Variants in CD84 observed in about 807,000 individuals in gnomAD.
The protein encoded by CD84 is CD84 molecule, also known as SLAM family member 5.
Under a neutral mutation model 33.8 loss-of-function variants are expected in CD84, and 22 were observed. The observed-to-expected ratio is 0.65, with a 90% confidence interval of 0.46 to 0.93. The LOEUF (loss-of-function observed/expected upper bound fraction) is 0.93, where lower values mean the gene tolerates loss of function less well. CD84 is among the 40% of genes least tolerant of loss of function. The pLI is 0.00. For synonymous variants in CD84, 154 were observed against 145.2 expected (o/e 1.06, Z -0.44); for missense variants, 400 against 397.6 (o/e 1.01, Z -0.05).
Position 160,549,958 on chromosome 1 carries a change from G to A in CD84, c.880C>T (p.Pro294Ser), listed in dbSNP as rs938795332. ...ACTTCGGAATAAACTGTGTTCACTGGCTCTTCCTTGGAGGGAAGCACCTGT... is the reference window on the plus strand; with the variant it reads ...ACTTCGGAATAAACTGTGTTCACTGACTCTTCCTTGGAGGGAAGCACCTGT... ...QSKVLPSKEE[P>S]VNTVYSEVQF... The change falls in exon 6 of 7, where the codon CCA (proline) becomes TCA (serine). Residue 294 changes from proline (P) to serine (S), a missense_variant. Pro to Ser is a moderately conservative substitution (Grantham distance 74). Transcript: ENST00000368054. 6.2e-7 allele frequency: 1 copy of A among 1,612,630 alleles called. No homozygotes were observed. Among genetic ancestry groups the A allele is most frequent in the African/African-American group, 1.3e-5 (1 of 74,998 alleles).
chr1:160,550,160 G>A (rs1019455801), intron 5 of CD84, among the ~76,000 whole-genome samples, 181 bp from the exon 6 acceptor site: 1 of 151,802 alleles, frequency 6.6e-6, no homozygotes, highest in African/African-American at 2.4e-5. Context: ...AAGGGATAAG[G>A]TGGGGGTGAA....
chr1:160,575,651 C>T (rs1657956153), intron 1 of CD84, among the ~76,000 whole-genome samples: 2 of 152,128 alleles, frequency 1.3e-5, no homozygotes, highest in South Asian at 4.1e-4. Context: ...CCTATATCAG[C>T]CCCCAGCTGA....
rs1464523720 is a variant in CD84, at chr1:160,541,458, A to G, written c.*6798T>C. 1 of 152,240 alleles carries G rather than the reference A, an allele frequency of 6.6e-6. No homozygotes were observed. The highest frequency in any genetic ancestry group is 1.9e-4 in the East Asian group (1 of 5,200). The allele number at this position is 152,240 out of a possible 1,614,324, so 9.4% of individuals were successfully genotyped here. ...GTTGGAGAGAGAGCTAAGAAATACC[A>G]TATCTATATAATTATCAGAGAATGT... On this transcript the variant is annotated 3_prime_UTR_variant, in exon 7 of 7. Coordinates refer to ENST00000368054, the MANE Select transcript of CD84 (RefSeq NM_003874.4).
In CD84 at chr1:160,544,080, C is replaced by G. The variant is rs1346668606; in HGVS notation, c.*4176G>C. 1.3e-5 allele frequency: 2 copies of G among 151,526 alleles called. No homozygotes were observed. Among genetic ancestry groups the G allele is most frequent in the Non-Finnish European group, 2.9e-5 (2 of 67,948 alleles). 9.4% of individuals were successfully genotyped at this position (151,526 alleles called of 1,614,324 possible). A position where few individuals can be genotyped will look rare whatever the true frequency, so the allele number is the denominator to read the frequency against. On this transcript the variant is annotated 3_prime_UTR_variant, in exon 7 of 7. Coordinates refer to ENST00000368054, the MANE Select transcript of CD84 (RefSeq NM_003874.4). ...AAACCAGGATGCAGACCCAGGCACT[C>G]TACTGTCAGAGCCCACATTTATGAC...
At chr1:160,553,557 AG>A in intron 3 of CD84, 60 bp from the exon 4 acceptor site, 1 of 1,598,168 alleles carries the variant, frequency 6.3e-7, no homozygotes, top group South Asian at 1.1e-5. Flanking sequence ...GAGGCTGGGC[AG>A]GTTTGCCCAC....
At position 160,565,466 on chromosome 1, in the gene CD84, G is replaced by A. The variant is rs751392373; in HGVS notation, c.326C>T (p.Ala109Val). The A allele has an allele frequency of 1.9e-6, 3 of 1,613,920 alleles. No homozygotes were observed. The highest frequency in any genetic ancestry group is 2.5e-6 in the Non-Finnish European group (3 of 1,179,870). The change falls in exon 2 of 7, where the codon GCA becomes GTA. Residue 109 changes from alanine (A) to valine (V), a missense_variant. Physicochemically the swap from Ala to Val is moderately conservative, Grantham distance 64. Coordinates refer to ENST00000368054, the MANE Select transcript of CD84 (RefSeq NM_003874.4). ...LRMEDAGDYK[A>V]DINTQADPYT... is the part of the protein sequence containing the mutation. ...GGGATCAGCCTGTGTATTTATGTCT[G>A]CTTTGTAGTCTCCTGCGTCTTCCAT... is the stretch of plus-strand genomic sequence containing the variant.
intron 1 of CD84, among the ~76,000 whole-genome samples, chr1:160,569,336 C>G (rs185627604): frequency 1.5e-3 from 230 of 151,920 alleles, no homozygotes; most frequent in Non-Finnish European, 1.5e-3. Flanking sequence ...TTTCTGGGTG[C>G]TAAAGGGACT....
intron 6 of CD84, 57 bp downstream of exon 6, chr1:160,549,860 C>T: frequency 1.6e-6 from 2 of 1,287,600 alleles, no homozygotes; most frequent in Non-Finnish European, 2.3e-6. Context: ...GGACCGGGTG[C>T]ACCAGAATGG....
Position 160,545,792 on chromosome 1 carries a change from G to C in CD84, c.*2464C>G, listed in dbSNP as rs1334734689. On this transcript the variant is annotated 3_prime_UTR_variant, in exon 7 of 7. Transcript: ENST00000368054. ...TTACAGGTGTGCACCACCACGCCCA[G>C]CTAATTTTTTTGTATTTTAAGTACA... is the stretch of plus-strand genomic sequence containing the variant. 1 of 152,050 alleles carries C rather than the reference G, an allele frequency of 6.6e-6. No homozygotes were observed. Among genetic ancestry groups the C allele is most frequent in the Non-Finnish European group, 1.5e-5 (1 of 68,074 alleles). The allele number at this position is 152,050 out of a possible 1,614,324, so 9.4% of individuals were successfully genotyped here. A position where few individuals can be genotyped will look rare whatever the true frequency, so the allele number is the denominator to read the frequency against.
intron 1 of CD84, among the ~76,000 whole-genome samples, chr1:160,570,659 G>A (rs116239918): frequency 0.069 from 10,530 of 152,130 alleles, 566 homozygotes; most frequent in African/African-American, 0.15. Context: ...CCAGGAGTGC[G>A]AGACCAGCCT....
intron 1 of CD84, among the ~76,000 whole-genome samples, chr1:160,574,710 G>C (rs1227496494): frequency 6.6e-6 from 1 of 152,102 alleles, no homozygotes; most frequent in Non-Finnish European, 1.5e-5. Context: ...GACTGGCCAT[G>C]AACCCCAGGG....
At chr1:160,565,324 T>C (rs974647788) in intron 2 of CD84, 80 bp downstream of exon 2, 7 of 1,042,862 alleles carry the variant, frequency 6.7e-6, no homozygotes, top group Non-Finnish European at 8.5e-6. Context: ...GACCCAATTA[T>C]CAGAAATGTA....
chr1:160,573,759 A>C (rs1657829349), intron 1 of CD84, among the ~76,000 whole-genome samples: 1 of 152,080 alleles, frequency 6.6e-6, no homozygotes, highest in Non-Finnish European at 1.5e-5. Context: ...ATTGTCTCCC[A>C]ACCCATCCCC....
At chr1:160,551,226 T>C in intron 4 of CD84, 191 bp from the exon 5 acceptor site, 1 of 569,996 alleles carries the variant, frequency 1.8e-6, no homozygotes, top group Non-Finnish European at 3.1e-6. Context: ...CACCCACAGG[T>C]CAATGGGAAT....
rs1656086331 is a variant in CD84 at position 160,549,904 on chromosome 1, A to G, written c.921+13T>C. The G allele has an allele frequency of 6.2e-7, 1 of 1,600,792 alleles. No individual in the cohort carries two copies. ...GTTAGGAAAGCAAGGATAAAAAGCCAGAAAGGGGTTACCTTATCAGCAAAC... is the reference window on the plus strand; with the variant it reads ...GTTAGGAAAGCAAGGATAAAAAGCCGGAAAGGGGTTACCTTATCAGCAAAC... On this transcript the variant is annotated intron_variant, in intron 6 of 6. Coordinates refer to ENST00000368054, the MANE Select transcript of CD84 (RefSeq NM_003874.4).
At chr1:160,560,328 C>T (rs987649527) in intron 2 of CD84, among the ~76,000 whole-genome samples, 2 of 152,068 alleles carry the variant, frequency 1.3e-5, no homozygotes, top group Admixed American at 6.6e-5. Context: ...AATTAGAGCT[C>T]AAAATTAAGA....
chr1:160,552,033 A>T (rs1243765052), intron 4 of CD84, among the ~76,000 whole-genome samples: 1 of 152,174 alleles, frequency 6.6e-6, no homozygotes, highest in Non-Finnish European at 1.5e-5. Context: ...AGGTGAAAAA[A>T]GAAGGCCAGA....
At chr1:160,549,056 C>T (rs981448175) in intron 6 of CD84, among the ~76,000 whole-genome samples, 1 of 151,998 alleles carries the variant, frequency 6.6e-6, no homozygotes, top group Non-Finnish European at 1.5e-5. Context: ...CTTCCCTCTC[C>T]TGATCACTAA....
rs28365771 is a variant in CD84, at chr1:160,546,932, G to A, written c.*1324C>T. Reference sequence around the variant, plus strand: ...TATGGATTCATTTACTGGGACTGATGTCTTTATCTGCCTAATTGCAGCCCA... The same window carrying A: ...TATGGATTCATTTACTGGGACTGATATCTTTATCTGCCTAATTGCAGCCCA... On this transcript the variant is annotated 3_prime_UTR_variant, in exon 7 of 7. Coordinates refer to ENST00000368054, the MANE Select transcript of CD84 (RefSeq NM_003874.4). 1.3e-5 allele frequency: 5 copies of A among 391,442 alleles called. No homozygotes were observed. The East Asian group carries it at 1.4e-4, about 11-fold the overall frequency. The allele number at this position is 391,442 out of a possible 1,614,324, so 24.2% of individuals were successfully genotyped here.
Sources: gnomAD v4.1 joint callset for allele counts (sites outside exome capture counted in the v4.1 genomes callset) on GRCh38, gnomAD v4.1.1 for gene constraint, MANE v1.5 for transcripts, NCBI Gene and HGNC (gene_info 2026-07-23, HGNC 2026-07-21) for gene names.